The following LRFN5 variants were observed in gnomAD, a reference collection of about 807,000 sequenced individuals.
LRFN5 encodes the protein leucine rich repeat and fibronectin type III domain containing 5.
LRFN5 carries 24 observed loss-of-function variants against 45.6 expected under a neutral mutation model. The ratio of observed to expected loss-of-function variants is 0.53; its 90% CI spans 0.38 to 0.74. LRFN5 has a LOEUF of 0.74. Among genes scored for constraint, LRFN5 ranks in the 30% least tolerant of loss-of-function variants. LRFN5 has a pLI of 0.00. For synonymous variants in LRFN5, 340 were observed against 313.8 expected, an observed-to-expected ratio of 1.08 and a Z score of -0.88; for missense variants, 776 against 861.5, an observed-to-expected ratio of 0.90 and a Z score of 1.24.
chr14:41,707,782 A>G (rs56362254), intron 1 of LRFN5, among the ~76,000 whole-genome samples: 6,604 of 152,102 alleles, frequency 0.043, 464 homozygotes, highest in African/African-American at 0.15. Flanking sequence ...TCATTTGCAT[A>G]TCATCTATGG....
At chr14:41,636,451 C>T (rs955620564) in intron 1 of LRFN5, among the ~76,000 whole-genome samples, 3 of 152,122 alleles carry the variant, frequency 2.0e-5, no homozygotes, top group African/African-American at 7.2e-5. Context: ...GTCTCTTGCA[C>T]TGTTCCTTAC....
At chr14:41,817,742 A>G (rs1887969554) in intron 2 of LRFN5, among the ~76,000 whole-genome samples, 1 of 152,190 alleles carries the variant, frequency 6.6e-6, no homozygotes, top group Non-Finnish European at 1.5e-5. Context: ...AGTGTTTACT[A>G]TGAGAACCTA....
chr14:41,663,198 G>A (rs563955541), intron 1 of LRFN5, among the ~76,000 whole-genome samples: 1 of 152,024 alleles, frequency 6.6e-6, no homozygotes, highest in African/African-American at 2.4e-5. Context: ...TAGCCAAACC[G>A]CCGTGCTGTT....
chr14:41,829,515 T>A (rs1248496004), intron 2 of LRFN5, among the ~76,000 whole-genome samples: 1 of 151,894 alleles, frequency 6.6e-6, no homozygotes, highest in Admixed American at 6.6e-5. Context: ...TTATCTTGAA[T>A]GAGGTAAATT....
intron 2 of LRFN5, among the ~76,000 whole-genome samples, chr14:41,873,924 AT>A (rs778474865): frequency 6.6e-6 from 1 of 152,366 alleles, no homozygotes; most frequent in South Asian, 2.1e-4. Context: ...GGATAGTTTG[AT>A]ATCTCTGTGG....
intron 2 of LRFN5, among the ~76,000 whole-genome samples, chr14:41,808,321 G>T (rs1353263829): frequency 1.5e-5 from 2 of 133,096 alleles, no homozygotes; most frequent in Non-Finnish European, 1.6e-5. Context: ...AAGGAAGGAA[G>T]GGAGGGAGGA....
intron 1 of LRFN5, among the ~76,000 whole-genome samples, chr14:41,718,444 T>C (rs111775452): frequency 2.0e-5 from 3 of 152,276 alleles, no homozygotes; most frequent in African/African-American, 4.8e-5. Flanking sequence ...CAGAGAAATA[T>C]CTCTTTAGCT....
chr14:41,707,136 A>G (rs1387330701), intron 1 of LRFN5, among the ~76,000 whole-genome samples: 1 of 152,214 alleles, frequency 6.6e-6, no homozygotes, highest in Non-Finnish European at 1.5e-5. Context: ...ATAGTTTATG[A>G]AGTGTAGTGT....
intron 2 of LRFN5, among the ~76,000 whole-genome samples, chr14:41,847,595 T>C: frequency 6.6e-6 from 1 of 152,116 alleles, no homozygotes; most frequent in Admixed American, 6.6e-5. Flanking sequence ...CACTATATTT[T>C]AATCGTTTGA....
At chr14:41,745,888 A>G (rs1202312948) in intron 1 of LRFN5, among the ~76,000 whole-genome samples, 2 of 152,010 alleles carry the variant, frequency 1.3e-5, no homozygotes, top group Non-Finnish European at 2.9e-5. Flanking sequence ...ACTTTCCCCA[A>G]AAAGAAAAGC....
intron 2 of LRFN5, among the ~76,000 whole-genome samples, chr14:41,854,307 T>C (rs939860964): frequency 6.9e-6 from 1 of 145,624 alleles, no homozygotes; most frequent in East Asian, 2.3e-4. Flanking sequence ...TCATCCTTTT[T>C]TATGGCTGCA....
chr14:41,649,843 AG>A (rs1880009683), intron 1 of LRFN5, among the ~76,000 whole-genome samples: 1 of 152,144 alleles, frequency 6.6e-6, no homozygotes, highest in Non-Finnish European at 1.5e-5. Context: ...TTTGGAGTAG[AG>A]CCCAACCACT....
intron 1 of LRFN5, among the ~76,000 whole-genome samples, chr14:41,722,564 T>TG (rs1478890185): frequency 1.0e-5 from 1 of 98,096 alleles, no homozygotes. Context: ...TAAAATACGG[T>TG]GTTTTTTTTT....
chr14:41,849,925 T>C lies in LRFN5; in HGVS notation c.-20-36681T>C, dbSNP rs1439570282. ...TAAAAGAAAACTTGTTTATAAAAAA[T>C]ATTTTATCATACTAAATTTGCAGTT... On this transcript the variant is annotated intron_variant, in intron 2 of 5. Transcript: ENST00000298119. Among the ~76,000 whole-genome samples, 3 of 152,072 alleles carry C rather than the reference T, an allele frequency of 2.0e-5. No individual in the cohort carries two copies. The East Asian group carries it at 5.8e-4, about 29-fold the overall frequency.
chr14:41,793,331 TA>T (rs1286512190), intron 2 of LRFN5, among the ~76,000 whole-genome samples: 1 of 151,994 alleles, frequency 6.6e-6, no homozygotes, highest in Non-Finnish European at 1.5e-5. Flanking sequence ...GGAGATGAGA[TA>T]AAATGCACTC....
chr14:41,736,857 TAA>T lies in LRFN5; in HGVS notation c.-196-29995_-196-29994del, dbSNP rs1319927445. ...CAGGTTCTGAAATTAAGGCAGTAAT[TAA>T]AGCCTACCAATCCAAAAAAGCCCAG... is the stretch of plus-strand genomic sequence containing the variant. On this transcript the variant is annotated intron_variant, in intron 1 of 5. Coordinates refer to ENST00000298119, the MANE Select transcript of LRFN5 (RefSeq NM_152447.5). 2.6e-5 allele frequency among the ~76,000 whole-genome samples: 4 copies of T among 152,056 alleles called. No individual in the cohort carries two copies. In the East Asian group the frequency reaches 7.7e-4, roughly 29 times the overall value.
intron 1 of LRFN5, among the ~76,000 whole-genome samples, chr14:41,750,267 TTATATA>T (rs60275061): frequency 1.6e-4 from 23 of 144,388 alleles, no homozygotes; most frequent in African/African-American, 2.5e-4. Flanking sequence ...GTAACTTTTC[TTATATA>T]TATATATATA....
intron 1 of LRFN5, among the ~76,000 whole-genome samples, chr14:41,747,768 G>GACAAGTTA (rs1884980457): frequency 6.6e-6 from 1 of 151,860 alleles, no homozygotes; most frequent in Non-Finnish European, 1.5e-5. Flanking sequence ...TTATATATAT[G>GACAAGTTA]ACAAGTTATT....
At chr14:41,835,686 A>C (rs773435787) in intron 2 of LRFN5, among the ~76,000 whole-genome samples, 1 of 152,148 alleles carries the variant, frequency 6.6e-6, no homozygotes, top group Non-Finnish European at 1.5e-5. Flanking sequence ...CGGTCACGCT[A>C]CTGCACTCCA....
Sources: gnomAD v4.1 joint callset for allele counts (sites outside exome capture counted in the v4.1 genomes callset) on GRCh38, gnomAD v4.1.1 for gene constraint, MANE v1.5 for transcripts, NCBI Gene and HGNC (gene_info 2026-07-23, HGNC 2026-07-21) for gene names.